The following SGCB variants were observed in gnomAD, a reference collection of about 807,000 sequenced individuals.
SGCB encodes sarcoglycan beta.
In SGCB, 25 loss-of-function variants were observed where a neutral mutation model predicts 27.3. That is an observed-to-expected ratio of 0.92 (90% CI 0.67 to 1.28). The LOEUF is 1.28. Ranked by LOEUF, SGCB falls within the 50% of genes most tolerant of loss-of-function variation. SGCB has a pLI of 0.00. For synonymous variants in SGCB, 147 were observed against 133.5 expected (o/e 1.10, Z -0.70); for missense variants, 436 against 402.1 (o/e 1.08, Z -0.72).
intron 4 of SGCB, 21 bp from the exon 5 acceptor site, chr4:52,028,120 T>C (rs1206112002): frequency 6.3e-7 from 1 of 1,579,876 alleles, no homozygotes; most frequent in Non-Finnish European, 8.7e-7. Flanking sequence ...AAAAAACAAG[T>C]ACTAAAAAGA....
In SGCB at chr4:52,033,529, C is replaced by T. The variant is rs752976908; in HGVS notation, c.145G>A (p.Glu49Lys). 1 of 1,613,784 alleles carries T rather than the reference C, an allele frequency of 6.2e-7. No homozygotes were observed. The highest frequency in any genetic ancestry group is 8.5e-7 in the Non-Finnish European group (1 of 1,179,700). ...AACCCTGTTTTGTGGAGACGATCTT[C>T]ATCAATCGGAATGTATCCAGCTTTA... ...NFKAGYIPID[E>K]DRLHKTGLRG... Residue 49 changes from glutamate to lysine, a missense_variant, in exon 2 of 6, where the codon GAA becomes AAA. Physicochemically the swap from Glu to Lys is moderately conservative, Grantham distance 56. Transcript: ENST00000381431.
chr4:52,025,714 A>G (rs558868093), intron 5 of SGCB, among the ~76,000 whole-genome samples: 76 of 152,326 alleles, frequency 5.0e-4, no homozygotes, highest in African/African-American at 1.7e-3. Flanking sequence ...ATGGGAGTGA[A>G]TACTTGGAAG....
At position 52,023,688 on chromosome 4, in the gene SGCB, AAC is replaced by A. The variant is rs1284435579; in HGVS notation, c.*267_*268del. The A allele has an allele frequency of 2.5e-6, 1 of 405,468 alleles. No homozygotes were observed. Among genetic ancestry groups the A allele is most frequent in the African/African-American group, 2.0e-5 (1 of 49,402 alleles). The allele number at this position is 405,468 out of a possible 1,614,324, so 25.1% of individuals were successfully genotyped here. ...AGAAAAGGGATAGTGGAATTTTAAA[AAC>A]ACGTCTTTAAACATGACTTTTGATT... On this transcript the variant is annotated 3_prime_UTR_variant, in exon 6 of 6. Coordinates refer to ENST00000381431, the MANE Select transcript of SGCB (RefSeq NM_000232.5).
At chr4:52,032,481 T>C (rs1737274551) in intron 2 of SGCB, among the ~76,000 whole-genome samples, 1 of 152,220 alleles carries the variant, frequency 6.6e-6, no homozygotes, top group Non-Finnish European at 1.5e-5. Flanking sequence ...GAGAAGAAGA[T>C]AAAAATGTCT....
At chr4:52,035,926 AC>A (rs371805540) in intron 1 of SGCB, among the ~76,000 whole-genome samples, 42 of 152,300 alleles carry the variant, frequency 2.8e-4, no homozygotes, top group African/African-American at 1.0e-3. Flanking sequence ...CAAACCATGC[AC>A]ATTACTGTCT....
intron 1 of SGCB, 135 bp from the exon 2 acceptor site, chr4:52,033,775 C>T (rs1578127986): frequency 2.8e-6 from 2 of 725,788 alleles, no homozygotes; most frequent in South Asian, 2.9e-5. Context: ...CTGCAAATCA[C>T]ATTGAGTTGC....
In SGCB at chr4:52,029,892, T is replaced by TTATCTGAAAAAGAACACA. The variant is rs767009905; in HGVS notation, c.244-30_244-29insTGTGTTCTTTTTCAGATA. On this transcript the variant is annotated intron_variant, in intron 2 of 5. Coordinates refer to ENST00000381431, the MANE Select transcript of SGCB (RefSeq NM_000232.5). ...AAAAAGAACACAAGTCCACTGTTGG[T>TTATCTGAAAAAGAACACA]AGGCCGCATACATTTAATGTAATTG... The TTATCTGAAAAAGAACACA allele has an allele frequency of 2.0e-6, 3 of 1,512,142 alleles. No individual in the cohort carries two copies. In the South Asian group the frequency reaches 3.4e-5, roughly 17 times the overall value. 93.7% of individuals were successfully genotyped at this position (1,512,142 alleles called of 1,614,324 possible). A position where few individuals can be genotyped will look rare whatever the true frequency, so the allele number is the denominator to read the frequency against.
chr4:52,027,976 AC>A lies in SGCB; in HGVS notation c.744del (p.Glu248AspfsTer2). 6.2e-7 allele frequency: 1 copy of A among 1,613,748 alleles called. No individual in the cohort carries two copies. The highest frequency in any genetic ancestry group is 8.5e-7 in the Non-Finnish European group (1 of 1,179,778). On this transcript the variant is annotated frameshift_variant, in exon 5 of 6. Coordinates refer to ENST00000381431, the MANE Select transcript of SGCB (RefSeq NM_000232.5). LOFTEE classifies it high-confidence loss of function. ...CTTAAAAGAATACTCACCGCCTTTA[AC>A]TCCATATTACCACCCATGTGAAATT... ...TIEFHMGGNM[E>X]LKAENSIILN...
intron 2 of SGCB, among the ~76,000 whole-genome samples, chr4:52,031,665 T>G (rs1737251336): frequency 6.6e-6 from 1 of 152,174 alleles, no homozygotes; most frequent in Admixed American, 6.5e-5. Context: ...TGGCATTTTC[T>G]CTATTCCATG....
chr4:52,032,464 C>G (rs1737274150), intron 2 of SGCB, among the ~76,000 whole-genome samples: 1 of 152,146 alleles, frequency 6.6e-6, no homozygotes, highest in Non-Finnish European at 1.5e-5. Flanking sequence ...TTGGAACGAG[C>G]TTTTTAGAGA....
intron 2 of SGCB, 91 bp downstream of exon 2, chr4:52,033,340 G>T: frequency 1.2e-6 from 1 of 818,384 alleles, no homozygotes; most frequent in Non-Finnish European, 2.1e-6. Flanking sequence ...GACATGTATA[G>T]AAAAGGAGAA....
At chr4:52,026,084 CAA>C (rs896735177) in intron 5 of SGCB, among the ~76,000 whole-genome samples, 1 of 151,926 alleles carries the variant, frequency 6.6e-6, no homozygotes, top group Admixed American at 6.6e-5. Context: ...GTATTTAAAG[CAA>C]AGAGAGAAAA....
Position 52,038,123 on chromosome 4 carries a change from G to A in SGCB, c.33+104C>T, listed in dbSNP as rs1181465479. Reference sequence around the variant, plus strand: ...CGGCCCCGCCGAACCCAGACCCTGCGGCCCGCGCCCCCCGCACCCCCGGCC... The same window carrying A: ...CGGCCCCGCCGAACCCAGACCCTGCAGCCCGCGCCCCCCGCACCCCCGGCC... On this transcript the variant is annotated intron_variant, in intron 1 of 5. Coordinates refer to ENST00000381431, the MANE Select transcript of SGCB (RefSeq NM_000232.5). 3 of 866,488 alleles carry A rather than the reference G, an allele frequency of 3.5e-6. No individual in the cohort carries two copies. The African/African-American group carries it at 6.1e-5, about 18-fold the overall frequency. The allele number at this position is 866,488 out of a possible 1,614,324, so 53.7% of individuals were successfully genotyped here.
At position 52,031,406 on chromosome 4, in the gene SGCB, A is replaced by ATGTGTGTGTG. The variant is rs57599198; in HGVS notation, c.244-1553_244-1544dup. On this transcript the variant is annotated intron_variant, in intron 2 of 5. Transcript: ENST00000381431. ...CCCATTCATCTCTGTGTGTGTGTGTATGTGTGTGTGTGTGTGTGTGTGTGT... is the reference window on the plus strand; with the variant it reads ...CCCATTCATCTCTGTGTGTGTGTGTATGTGTGTGTGTGTGTGTGTGTGTGTGTGTGTGTGT... Among the ~76,000 whole-genome samples, 722 of 142,768 alleles carry ATGTGTGTGTG rather than the reference A, an allele frequency of 5.1e-3. 7 individuals carry two copies. The highest frequency in any genetic ancestry group is 0.013 in the African/African-American group (467 of 36,244). The allele number at this position is 142,768 out of a possible 152,430, so 93.7% of individuals were successfully genotyped here.
In SGCB at chr4:52,020,786, T is replaced by C. The variant is rs907828992; in HGVS notation, c.*3171A>G. 9 of 152,676 alleles carry C rather than the reference T, an allele frequency of 5.9e-5. No homozygotes were observed. Among genetic ancestry groups the C allele is most frequent in the African/African-American group, 1.9e-4 (8 of 41,474 alleles). 9.5% of individuals were successfully genotyped at this position (152,676 alleles called of 1,614,324 possible). A position where few individuals can be genotyped will look rare whatever the true frequency, so the allele number is the denominator to read the frequency against. On this transcript the variant is annotated 3_prime_UTR_variant, in exon 6 of 6. Transcript: ENST00000381431. ...AATCAACTGAAACTCAAGTTAGCAA[T>C]GTGAAACACATTTATAGGCTTATTT...
In SGCB at chr4:52,038,298, G is replaced by A. The variant is rs1737459058; in HGVS notation, c.-39C>T. ...CCGCCGCCGAGCTCCCCGCCCGACT[G>A]TGCCCGCCCCTCCGCGACCGCACCC... On this transcript the variant is annotated 5_prime_UTR_variant, in exon 1 of 6. Coordinates refer to ENST00000381431, the MANE Select transcript of SGCB (RefSeq NM_000232.5). The A allele has an allele frequency of 2.4e-6, 3 of 1,263,448 alleles. No individual in the cohort carries two copies. Among genetic ancestry groups the A allele is most frequent in the South Asian group, 3.0e-5 (1 of 33,360 alleles). The allele number at this position is 1,263,448 out of a possible 1,614,324, so 78.3% of individuals were successfully genotyped here. A position where few individuals can be genotyped will look rare whatever the true frequency, so the allele number is the denominator to read the frequency against.
intron 5 of SGCB, among the ~76,000 whole-genome samples, chr4:52,027,407 T>G (rs1381191307): frequency 6.6e-6 from 1 of 151,806 alleles, no homozygotes; most frequent in African/African-American, 2.4e-5. Context: ...CAATTAATAA[T>G]AGATTAAAAA....
intron 1 of SGCB, among the ~76,000 whole-genome samples, chr4:52,035,910 C>T (rs1203480763): frequency 2.0e-5 from 3 of 152,194 alleles, no homozygotes; most frequent in Non-Finnish European, 4.4e-5. Flanking sequence ...CTTTACTCTT[C>T]TCTGCCAAAC....
At chr4:52,024,852 AAAAG>A (rs1737047700) in intron 5 of SGCB, among the ~76,000 whole-genome samples, 2 of 151,012 alleles carry the variant, frequency 1.3e-5, no homozygotes, top group Non-Finnish European at 2.9e-5. Context: ...AAAAAAAAAA[AAAAG>A]ACTTTTCCTC....
Sources: gnomAD v4.1 joint callset for allele counts (sites outside exome capture counted in the v4.1 genomes callset) on GRCh38, gnomAD v4.1.1 for gene constraint, MANE v1.5 for transcripts, NCBI Gene and HGNC (gene_info 2026-07-23, HGNC 2026-07-21) for gene names.